AXL: variants seen among roughly 807,000 people sequenced by gnomAD.
AXL encodes the protein tyrosine-protein kinase receptor UFO.
AXL carries 52 observed loss-of-function variants against 104.5 expected under a neutral mutation model. The ratio of observed to expected loss-of-function variants is 0.50; its 90% CI spans 0.40 to 0.63. The LOEUF (loss-of-function observed/expected upper bound fraction) is 0.63, where lower values mean the gene tolerates loss of function less well. AXL is among the 20% of genes least tolerant of loss of function. The pLI, the probability that AXL is intolerant of heterozygous loss-of-function variation, is 0.00. For synonymous variants in AXL, 455 were observed against 473.7 expected, an observed-to-expected ratio of 0.96 and a Z score of 0.51; for missense variants, 1,024 against 1,188.5, an observed-to-expected ratio of 0.86 and a Z score of 2.04.
Position 41,220,748 on chromosome 19 carries a change from G to A in AXL, c.198G>A (p.Glu66=), listed in dbSNP as rs2033776123. The part of the protein sequence containing the change: ...CQLQVQGEPP[E]VHWLRDGQIL... ...TCCAGGTTCAGGGAGAGCCCCCCGA[G>A]GTACATTGGCTTCGGGATGGACAGA... Residue 66 remains glutamate (E), a synonymous_variant, in exon 2 of 20, where the codon GAG becomes GAA. Coordinates refer to ENST00000301178, the MANE Select transcript of AXL (RefSeq NM_021913.5). 2 of 1,614,078 alleles carry A rather than the reference G, an allele frequency of 1.2e-6. No homozygotes were observed. Among genetic ancestry groups the A allele is most frequent in the South Asian group, 1.1e-5 (1 of 91,092 alleles).
At chr19:41,232,399 A>G (rs2034007349) in intron 6 of AXL, among the ~76,000 whole-genome samples, 1 of 152,184 alleles carries the variant, frequency 6.6e-6, no homozygotes. Flanking sequence ...AGGCTGGTGG[A>G]TCACCTGAGG....
chr19:41,249,704 C>T (rs980823724), intron 14 of AXL, among the ~76,000 whole-genome samples: 2 of 151,380 alleles, frequency 1.3e-5, no homozygotes, highest in Non-Finnish European at 2.9e-5. Flanking sequence ...TGCAGTGAGC[C>T]GAGATCGTGC....
chr19:41,251,635 G>A (rs1195710160), intron 14 of AXL, among the ~76,000 whole-genome samples: 1 of 151,764 alleles, frequency 6.6e-6, no homozygotes, highest in African/African-American at 2.4e-5. Context: ...GGCAAGCCTA[G>A]GAGTTCGAGC....
chr19:41,222,165 C>A, intron 4 of AXL, 109 bp downstream of exon 4: 3 of 1,197,614 alleles, frequency 2.5e-6, no homozygotes, highest in Non-Finnish European at 3.4e-6. Context: ...TCCTTCTGTC[C>A]CTCACTGTCT....
intron 17 of AXL, among the ~76,000 whole-genome samples, chr19:41,255,463 CAG>C (rs2034438624): frequency 2.0e-5 from 3 of 148,982 alleles, no homozygotes; most frequent in South Asian, 4.3e-4. Context: ...TTTGTTTTGA[CAG>C]AGTCTTACTC....
intron 17 of AXL, among the ~76,000 whole-genome samples, chr19:41,255,351 CTTTCT>C (rs946060483): frequency 1.5e-4 from 13 of 89,564 alleles, no homozygotes; most frequent in Non-Finnish European, 2.5e-4. Flanking sequence ...GTCCTTTCTT[CTTTCT>C]TTTCTTTCTC....
chr19:41,219,598 C>A, intron 1 of AXL, 121 bp downstream of exon 1: 2 of 1,150,280 alleles, frequency 1.7e-6, no homozygotes, highest in East Asian at 2.6e-5. Flanking sequence ...TCCTTGGGAC[C>A]ACAGAAAAGG....
chr19:41,227,380 ATCTTTT>A (rs1004850581), intron 4 of AXL, among the ~76,000 whole-genome samples: 5 of 151,990 alleles, frequency 3.3e-5, no homozygotes, highest in Non-Finnish European at 7.4e-5. Flanking sequence ...ATATATGATT[ATCTTTT>A]TCTAAGTGGA....
At chr19:41,248,058 G>C (rs1228763971) in intron 12 of AXL, among the ~76,000 whole-genome samples, 2 of 151,180 alleles carry the variant, frequency 1.3e-5, no homozygotes, top group Admixed American at 6.6e-5. Flanking sequence ...CAGTAGCTGG[G>C]ACTACAGGCA....
chr19:41,246,578 G>A (rs2034274683), intron 12 of AXL, among the ~76,000 whole-genome samples: 1 of 151,894 alleles, frequency 6.6e-6, no homozygotes, highest in Admixed American at 6.6e-5. Flanking sequence ...TGCCAGGTGT[G>A]GTGGTGTACA....
At chr19:41,246,794 G>T (rs2034279152) in intron 12 of AXL, among the ~76,000 whole-genome samples, 1 of 152,086 alleles carries the variant, frequency 6.6e-6, no homozygotes, top group Non-Finnish European at 1.5e-5. Flanking sequence ...GCCTCAACTG[G>T]TCCTCCTTCC....
At chr19:41,226,504 C>A (rs2033884300) in intron 4 of AXL, among the ~76,000 whole-genome samples, 1 of 152,202 alleles carries the variant, frequency 6.6e-6, no homozygotes. Flanking sequence ...CTGAGGAGCT[C>A]CCCTACCCTC....
rs1354989077 is a variant in AXL, at chr19:41,231,368, C to G, written c.783+70C>G. ...CACCCACATCCACAACCCCCATCCT[C>G]TCCCTGGGAACCCACCACTTCTCGG... On this transcript the variant is annotated intron_variant, in intron 6 of 19. Coordinates refer to ENST00000301178, the MANE Select transcript of AXL (RefSeq NM_021913.5). 3 of 1,389,010 alleles carry G rather than the reference C, an allele frequency of 2.2e-6. No homozygotes were observed. The African/African-American group carries it at 4.3e-5, about 20-fold the overall frequency. The allele number at this position is 1,389,010 out of a possible 1,614,324, so 86.0% of individuals were successfully genotyped here.
At chr19:41,236,220 C>T (rs1038331071) in intron 6 of AXL, among the ~76,000 whole-genome samples, 1 of 151,452 alleles carries the variant, frequency 6.6e-6, no homozygotes, top group Non-Finnish European at 1.5e-5. Flanking sequence ...GTAGCCCCAG[C>T]TACTCGAGAG....
At chr19:41,221,089 C>A in intron 2 of AXL, 57 bp from the exon 3 acceptor site, 1 of 1,510,238 alleles carries the variant, frequency 6.6e-7, no homozygotes, top group South Asian at 1.2e-5. Flanking sequence ...TGACAGACCC[C>A]CTCCCAGTGT....
chr19:41,227,950 G>C (rs1280732214), intron 4 of AXL, among the ~76,000 whole-genome samples: 1 of 152,072 alleles, frequency 6.6e-6, no homozygotes, highest in Non-Finnish European at 1.5e-5. Flanking sequence ...AACCAGAGTG[G>C]GATGGCATGA....
At chr19:41,230,706 T>C (rs1436474899) in intron 4 of AXL, among the ~76,000 whole-genome samples, 2 of 151,968 alleles carry the variant, frequency 1.3e-5, no homozygotes, top group Non-Finnish European at 2.9e-5. Flanking sequence ...CCTGTGCCTG[T>C]GTGTGTCTGT....
chr19:41,253,596 C>A lies in AXL; in HGVS notation c.1927-3C>A. 6.2e-7 allele frequency: 1 copy of A among 1,611,688 alleles called. No homozygotes were observed. The highest frequency in any genetic ancestry group is 8.5e-7 in the Non-Finnish European group (1 of 1,178,532). On this transcript the variant is annotated splice_region_variant and splice_polypyrimidine_tract_variant and intron_variant, in intron 16 of 19. Transcript: ENST00000301178. ...TCTCCTCCCACCTGCCTTGGCTCCCCAGTACCTGCCCACTCAGATGCTAGT... is the reference window on the plus strand; with the variant it reads ...TCTCCTCCCACCTGCCTTGGCTCCCAAGTACCTGCCCACTCAGATGCTAGT...
chr19:41,240,879 C>A lies in AXL; in HGVS notation c.1312+1159C>A, dbSNP rs553542307. Among the ~76,000 whole-genome samples, 9 of 152,158 alleles carry A rather than the reference C, an allele frequency of 5.9e-5. No individual in the cohort carries two copies. In the South Asian group the frequency reaches 1.0e-3, roughly 18 times the overall value. On this transcript the variant is annotated intron_variant, in intron 10 of 19. Coordinates refer to ENST00000301178, the MANE Select transcript of AXL (RefSeq NM_021913.5). ...GCATGCTTACTGCACACTCCATAGA[C>A]ATCATTCCCTCACCCTTCACTAATC...
Sources: allele counts gnomAD v4.1 joint callset (sites outside exome capture counted in the v4.1 genomes callset), GRCh38; gene constraint gnomAD v4.1.1; transcripts MANE v1.5; gene names NCBI Gene and HGNC (gene_info 2026-07-23, HGNC 2026-07-21).